Variants in APBB1 observed in about 807,000 individuals in gnomAD.
APBB1 encodes amyloid beta precursor protein binding family B member 1, also known as adaptor protein FE65a2.
A neutral mutation model predicts 78.4 loss-of-function variants in APBB1; 22 were observed. That is an observed-to-expected ratio of 0.28 (90% CI 0.20 to 0.40). The LOEUF (loss-of-function observed/expected upper bound fraction) is 0.40. APBB1 is among the 10% of genes least tolerant of loss of function. The pLI, the probability that APBB1 is intolerant of heterozygous loss-of-function variation, is 1.00. For missense variants in APBB1, 749 were observed against 932.4 expected, an observed-to-expected ratio of 0.80 and a Z score of 2.56; for synonymous variants, 369 against 372.7, an observed-to-expected ratio of 0.99 and a Z score of 0.12.
Position 6,403,225 on chromosome 11 carries a change from A to G in APBB1, c.1041-17T>C, listed in dbSNP as rs1848625037. The G allele has an allele frequency of 6.2e-7, 1 of 1,612,488 alleles. No individual in the cohort carries two copies. The highest frequency in any genetic ancestry group is 1.7e-5 in the Admixed American group (1 of 59,796). ...GGCTCTGGGCTGAAGGCAGATGGTA[A>G]TACTTGGCACAGGGCTCCCATAAAT... On this transcript the variant is annotated splice_polypyrimidine_tract_variant and intron_variant, in intron 5 of 14. Coordinates refer to ENST00000609360, the MANE Select transcript of APBB1 (RefSeq NM_001164.5). The surrounding 1 kb of genome is among the most constrained non-coding windows in gnomAD (Gnocchi z 5.3).
chr11:6,405,483 G>C (rs1848764187), intron 2 of APBB1: 1 of 986,588 alleles, frequency 1.0e-6, no homozygotes. Flanking sequence ...CCCGTTACCA[G>C]GGAAACCAGG....
chr11:6,410,543 C>G, intron 2 of APBB1, 84 bp downstream of exon 2: 1 of 1,261,900 alleles, frequency 7.9e-7, no homozygotes, highest in Non-Finnish European at 1.1e-6. Context: ...CAGCTCACAT[C>G]AGGCTGGCAC....
chr11:6,396,856 C>T lies in APBB1; in HGVS notation c.1673-641G>A, dbSNP rs578234460. Among the ~76,000 whole-genome samples the T allele has an allele frequency of 3.3e-5, 5 of 152,268 alleles. No individual in the cohort carries two copies. The East Asian group carries it at 7.7e-4, about 23-fold the overall frequency. On this transcript the variant is annotated intron_variant, in intron 12 of 14. Coordinates refer to ENST00000609360, the MANE Select transcript of APBB1 (RefSeq NM_001164.5). ...CCTGGGTTCTTAGCCATGCCTTTCTCCTACCTCTTCTCTATATTACTAGTT... is the reference window on the plus strand; with the variant it reads ...CCTGGGTTCTTAGCCATGCCTTTCTTCTACCTCTTCTCTATATTACTAGTT...
Position 6,395,387 on chromosome 11 carries a change from G to C in APBB1, c.*147C>G. The C allele has an allele frequency of 1.2e-6, 1 of 845,560 alleles. No homozygotes were observed. Among genetic ancestry groups the C allele is most frequent in the Non-Finnish European group, 1.7e-6 (1 of 576,950 alleles). The allele number at this position is 845,560 out of a possible 1,614,324, so 52.4% of individuals were successfully genotyped here. A position where few individuals can be genotyped will look rare whatever the true frequency, so the allele number is the denominator to read the frequency against. ...AAGGGATTAGATCTCTCCCTCCCCA[G>C]CTCCTAGGCAGGGAACCGTAGCTAC... On this transcript the variant is annotated 3_prime_UTR_variant, in exon 15 of 15. Transcript: ENST00000609360. The surrounding 1 kb of genome is among the most constrained non-coding windows in gnomAD (Gnocchi z 5.2).
chr11:6,401,481 T>C lies in APBB1; in HGVS notation c.1504-52A>G. 1 of 1,612,464 alleles carries C rather than the reference T, an allele frequency of 6.2e-7. No individual in the cohort carries two copies. The highest frequency in any genetic ancestry group is 8.5e-7 in the Non-Finnish European group (1 of 1,178,712). ...CAGGGAGAATCTATTAGAGCCTCAT[T>C]GCCCTGGGGCCCCCCTACAGCACTC... On this transcript the variant is annotated intron_variant, in intron 10 of 14. Coordinates refer to ENST00000609360, the MANE Select transcript of APBB1 (RefSeq NM_001164.5). This position sits in a 1 kb window ranked among gnomAD's most constrained non-coding sequence, Gnocchi z 4.5.
chr11:6,418,654 C>G (rs1197142024), intron 1 of APBB1, among the ~76,000 whole-genome samples: 2 of 151,992 alleles, frequency 1.3e-5, no homozygotes, highest in African/African-American at 2.4e-5. Context: ...TGCCAGCCCA[C>G]CCCACCCCAC....
At chr11:6,415,878 C>G (rs1453439152) in intron 1 of APBB1, among the ~76,000 whole-genome samples, 1 of 152,184 alleles carries the variant, frequency 6.6e-6, no homozygotes, top group Non-Finnish European at 1.5e-5. Flanking sequence ...ATAGGATCCA[C>G]GGTCTCCCAA....
chr11:6,395,571 G>T lies in APBB1; in HGVS notation c.2096C>A (p.Ser699Tyr). The T allele has an allele frequency of 6.3e-7, 1 of 1,579,000 alleles. No individual in the cohort carries two copies. The highest frequency in any genetic ancestry group is 2.3e-5 in the East Asian group (1 of 44,370). ...VRRGVQSLWG[S>Y]LKPKRLGAHT... ...GGCCCCCAGCCGTTTGGGCTTCAGG[G>T]AGCCCCACAGCGACTGAACACCCCT... is the stretch of plus-strand genomic sequence containing the variant. Residue 699 changes from serine (S) to tyrosine (Y), a missense_variant, in exon 15 of 15, where the codon TCC becomes TAC. By Grantham distance (144) the Ser-to-Tyr change is moderately radical. Coordinates refer to ENST00000609360, the MANE Select transcript of APBB1 (RefSeq NM_001164.5). This position sits in a 1 kb window ranked among gnomAD's most constrained non-coding sequence, Gnocchi z 5.2.
intron 2 of APBB1, among the ~76,000 whole-genome samples, chr11:6,409,060 G>T (rs1848893190): frequency 6.6e-6 from 1 of 151,852 alleles, no homozygotes; most frequent in African/African-American, 2.4e-5. Context: ...TTTCAGAAAT[G>T]CAAAAGTAAA....
intron 12 of APBB1, chr11:6,396,699 G>A (rs1371493185): frequency 1.3e-5 from 2 of 157,362 alleles, no homozygotes; most frequent in Admixed American, 6.5e-5. Context: ...TACCTCATTT[G>A]TGCCCACACA....
At chr11:6,402,510 C>G in intron 7 of APBB1, 66 bp downstream of exon 7, 1 of 1,526,834 alleles carries the variant, frequency 6.5e-7, no homozygotes, top group South Asian at 1.2e-5. Context: ...GGTCAGACCT[C>G]CCATCTCTCA....
intron 2 of APBB1, among the ~76,000 whole-genome samples, chr11:6,408,352 A>G (rs1848871395): frequency 6.6e-6 from 1 of 152,222 alleles, no homozygotes; most frequent in African/African-American, 2.4e-5. Flanking sequence ...TTGATCAAAC[A>G]TAACTTTAAC....
chr11:6,398,617 AG>A (rs1401233187), intron 12 of APBB1, among the ~76,000 whole-genome samples: 1 of 152,208 alleles, frequency 6.6e-6, no homozygotes, highest in Admixed American at 6.5e-5. Flanking sequence ...AACAAATGGA[AG>A]AGCCAACAAG....
chr11:6,415,743 C>T (rs1203472196), intron 1 of APBB1, among the ~76,000 whole-genome samples: 2 of 152,166 alleles, frequency 1.3e-5, no homozygotes, highest in African/African-American at 4.8e-5. Flanking sequence ...GCACCTATCC[C>T]TTTCTCTCCT....
chr11:6,419,112 G>C, upstream of APBB1: 1 of 375,332 alleles, frequency 2.7e-6, no homozygotes. Context: ...CGCGCCCCGA[G>C]CGGCGGAGGC....
chr11:6,405,438 G>GA, intron 2 of APBB1: 1 of 987,282 alleles, frequency 1.0e-6, no homozygotes, highest in Non-Finnish European at 1.2e-6. Flanking sequence ...GCAGCACCAG[G>GA]ACCGGCTGGG....
intron 1 of APBB1, 99 bp downstream of exon 1, chr11:6,418,886 G>A: frequency 2.8e-6 from 1 of 361,948 alleles, no homozygotes; most frequent in Non-Finnish European, 4.9e-6. Context: ...GCCGGCCGGG[G>A]GACCCGGGCT....
chr11:6,406,125 C>G (rs1848791412), intron 2 of APBB1, among the ~76,000 whole-genome samples: 1 of 152,248 alleles, frequency 6.6e-6, no homozygotes, highest in Admixed American at 6.5e-5. Context: ...TGGCACATCT[C>G]CCTCCAAGCG....
At chr11:6,400,902 T>A in intron 12 of APBB1, 87 bp downstream of exon 12, 1 of 1,228,700 alleles carries the variant, frequency 8.1e-7, no homozygotes, top group Non-Finnish European at 1.2e-6. Flanking sequence ...GAGGAAGGTC[T>A]GGTAGAAGAA....
Sources: allele counts gnomAD v4.1 joint callset (sites outside exome capture counted in the v4.1 genomes callset), GRCh38; gene constraint gnomAD v4.1.1; non-coding constraint Gnocchi (gnomAD v3.1); transcripts MANE v1.5; gene names NCBI Gene and HGNC (gene_info 2026-07-23, HGNC 2026-07-21).